EPS15L1: variants seen among roughly 807,000 people sequenced by gnomAD.
The protein encoded by EPS15L1 is epidermal growth factor receptor substrate 15-like 1.
Under a neutral mutation model 117.1 loss-of-function variants are expected in EPS15L1, and 43 were observed. The observed-to-expected ratio is 0.37, with a 90% CI of 0.29 to 0.47. The LOEUF is 0.47. Among genes scored for constraint, EPS15L1 ranks in the 20% least tolerant of loss-of-function variants. The pLI, the probability that EPS15L1 is intolerant of heterozygous loss-of-function variation, is 0.99. For missense variants in EPS15L1, 981 were observed against 1,164.0 expected (o/e 0.84, Z 2.29); for synonymous variants, 459 against 470.5 (o/e 0.98, Z 0.32).
intron 22 of EPS15L1, among the ~76,000 whole-genome samples, chr19:16,375,715 A>G (rs1450001833): frequency 6.6e-6 from 1 of 152,224 alleles, no homozygotes; most frequent in African/African-American, 2.4e-5. Context: ...TCTGCTCAAC[A>G]GTTCACAGAA....
At chr19:16,450,820 C>G (rs561457611) in intron 1 of EPS15L1, among the ~76,000 whole-genome samples, 2 of 151,904 alleles carry the variant, frequency 1.3e-5, no homozygotes, top group African/African-American at 4.8e-5. Context: ...GCAAGGTGGT[C>G]ATTTGGGTCC....
rs2093036438 is a variant in EPS15L1, at chr19:16,441,960, T to G, written c.97A>C (p.Arg33=). 6.2e-7 allele frequency: 1 copy of G among 1,613,500 alleles called. No homozygotes were observed. Among genetic ancestry groups the G allele is most frequent in the African/African-American group, 1.3e-5 (1 of 74,888 alleles). The change falls in exon 3 of 24, where the codon AGG becomes CGG. Residue 33 remains arginine (R), a synonymous_variant. Transcript: ENST00000455140. ...AGCGCAGCTTCACTCGCCCCCACCC[T>G]CCCTGTGTATGCCGGATCGACCTGA... ...YKQVDPAYTG[R]VGASEAALFL... is the part of the protein sequence containing the mutation.
chr19:16,450,654 G>T (rs1044395238), intron 1 of EPS15L1, among the ~76,000 whole-genome samples: 4 of 151,582 alleles, frequency 2.6e-5, no homozygotes, highest in Admixed American at 6.6e-5. Flanking sequence ...CTAAATTTTT[G>T]TATTTTTTAG....
chr19:16,427,488 A>T (rs1436227484), intron 8 of EPS15L1, among the ~76,000 whole-genome samples: 1 of 152,220 alleles, frequency 6.6e-6, no homozygotes, highest in Admixed American at 6.5e-5. Flanking sequence ...TGCTCAAAAA[A>T]TGTCAGATCT....
Position 16,404,496 on chromosome 19 carries a change from T to G in EPS15L1, c.1428+92A>C. ...CTATTGACCCAGTAGGATGTCTAAG[T>G]GTTGTGTTCCCAGGTAACACGAGCT... On this transcript the variant is annotated intron_variant, in intron 14 of 23. Coordinates refer to ENST00000455140, the MANE Select transcript of EPS15L1 (RefSeq NM_001258374.3). The surrounding 1 kb of genome is among the most constrained non-coding windows in gnomAD (Gnocchi z 4.2). 1 of 1,385,720 alleles carries G rather than the reference T, an allele frequency of 7.2e-7. No individual in the cohort carries two copies. Among genetic ancestry groups the G allele is most frequent in the Non-Finnish European group, 1.0e-6 (1 of 997,702 alleles). The allele number at this position is 1,385,720 out of a possible 1,614,324, so 85.8% of individuals were successfully genotyped here.
intron 21 of EPS15L1, among the ~76,000 whole-genome samples, chr19:16,380,493 G>T (rs1480041519): frequency 4.0e-5 from 6 of 151,624 alleles, no homozygotes; most frequent in Admixed American, 1.3e-4. Context: ...GCCCTCTAAG[G>T]TTCCAGGGTC....
At chr19:16,362,305 C>T (rs943708723) in intron 22 of EPS15L1, among the ~76,000 whole-genome samples, 18 of 149,966 alleles carry the variant, frequency 1.2e-4, no homozygotes, top group African/African-American at 4.4e-4. Flanking sequence ...TTTAGCATGG[C>T]AACACATTTA....
At position 16,361,805 on chromosome 19, in the gene EPS15L1, C is replaced by T. The variant is rs541731564; in HGVS notation, c.2560G>A (p.Ala854Thr). 6.2e-7 allele frequency: 1 copy of T among 1,613,814 alleles called. No individual in the cohort carries two copies. The highest frequency in any genetic ancestry group is 1.3e-5 in the African/African-American group (1 of 75,002). The change falls in exon 23 of 24, where the codon GCC (alanine) becomes ACC (threonine). Residue 854 changes from alanine to threonine, a missense_variant. Physicochemically the swap from Ala to Thr is moderately conservative, Grantham distance 58. Around this residue, in one of 5 missense-constraint regions of EPS15L1, gnomAD observed 819 missense variants for 949.0 expected, o/e 0.86. Transcript: ENST00000455140. The stretch of plus-strand genomic sequence containing the variant: ...GAGGTGAAGTCTGCAAAGCCCGAGG[C>T]AGAGGCCTTAGAAGGTTTAGCTGCA... ...SSAAKPSKAS[A>T]SGFADFTSFG...
intron 21 of EPS15L1, among the ~76,000 whole-genome samples, chr19:16,378,182 T>C (rs1022419620): frequency 6.6e-5 from 10 of 151,926 alleles, no homozygotes; most frequent in Non-Finnish European, 1.3e-4. Context: ...GGGAGGCAGA[T>C]ATGTGGCGAC....
chr19:16,409,455 C>A (rs775179158), intron 13 of EPS15L1, among the ~76,000 whole-genome samples: 1 of 152,142 alleles, frequency 6.6e-6, no homozygotes, highest in Non-Finnish European at 1.5e-5. Context: ...TCAGCTATGA[C>A]ACCAAAAGCA....
intron 1 of EPS15L1, among the ~76,000 whole-genome samples, chr19:16,466,410 C>T (rs1201118381): frequency 1.3e-5 from 2 of 152,138 alleles, no homozygotes; most frequent in Non-Finnish European, 1.5e-5. Context: ...CCCTGCTCTA[C>T]TCATCTCACA....
intron 10 of EPS15L1, 117 bp from the exon 11 acceptor site, chr19:16,418,221 G>C: frequency 8.5e-7 from 1 of 1,173,918 alleles, no homozygotes; most frequent in Non-Finnish European, 1.2e-6. Context: ...GCAGGGCGTG[G>C]TGGCAAGCCC....
intron 19 of EPS15L1, among the ~76,000 whole-genome samples, chr19:16,391,719 G>A (rs917120198): frequency 5.3e-5 from 8 of 151,058 alleles, no homozygotes; most frequent in Admixed American, 4.6e-4. Context: ...TGCCACGCCC[G>A]GGGATGGGAG....
intron 1 of EPS15L1, among the ~76,000 whole-genome samples, chr19:16,451,682 CCTCA>C (rs945994298): frequency 1.3e-5 from 2 of 151,776 alleles, no homozygotes; most frequent in Non-Finnish European, 2.9e-5. Flanking sequence ...GTGCCCGCCA[CCTCA>C]CTCGTCTAAT....
chr19:16,471,615 T>C lies in EPS15L1; in HGVS notation c.33+298A>G, dbSNP rs1042009317. ...CCCCTCCGGGATGCAGCCCAGCGCC[T>C]CCGCGGGTCCCCGGCCTGGGAGCTT... is the stretch of plus-strand genomic sequence containing the variant. On this transcript the variant is annotated intron_variant, in intron 1 of 23. Coordinates refer to ENST00000455140, the MANE Select transcript of EPS15L1 (RefSeq NM_001258374.3). This position sits in a 1 kb window ranked among gnomAD's most constrained non-coding sequence, Gnocchi z 4.8. Among the ~76,000 whole-genome samples, 1 of 151,922 alleles carries C rather than the reference T, an allele frequency of 6.6e-6. No individual in the cohort carries two copies. Among genetic ancestry groups the C allele is most frequent in the African/African-American group, 2.4e-5 (1 of 41,338 alleles).
chr19:16,466,497 C>T (rs1010216750), intron 1 of EPS15L1, among the ~76,000 whole-genome samples: 1 of 152,102 alleles, frequency 6.6e-6, no homozygotes, highest in Non-Finnish European at 1.5e-5. Flanking sequence ...ATGTCAGCCC[C>T]GTGAGGCGGC....
At chr19:16,467,520 A>AAAC (rs948664892) in intron 1 of EPS15L1, among the ~76,000 whole-genome samples, 2 of 149,930 alleles carry the variant, frequency 1.3e-5, no homozygotes, top group Non-Finnish European at 3.0e-5. Context: ...TTAGTCGAAA[A>AAAC]AACAACAACA....
At chr19:16,421,546 G>GA in intron 9 of EPS15L1, 70 bp from the exon 10 acceptor site, 1 of 1,496,768 alleles carries the variant, frequency 6.7e-7, no homozygotes, top group Non-Finnish European at 9.2e-7. Flanking sequence ...GCTTTTTGAT[G>GA]ATGGGGCGAT....
At chr19:16,363,114 G>A (rs554657194) in intron 22 of EPS15L1, among the ~76,000 whole-genome samples, 6 of 152,090 alleles carry the variant, frequency 3.9e-5, no homozygotes, top group African/African-American at 9.6e-5. Flanking sequence ...CCCACCTGAC[G>A]GGCCTTCCAG....
Sources: gnomAD v4.1 joint callset for allele counts (sites outside exome capture counted in the v4.1 genomes callset) on GRCh38, gnomAD v4.1.1 for gene constraint, gnomAD v4.1.1 regional missense constraint, Gnocchi (gnomAD v3.1) non-coding constraint, MANE v1.5 for transcripts, NCBI Gene and HGNC (gene_info 2026-07-23, HGNC 2026-07-21) for gene names.